The following IQCH variants were observed in gnomAD, a reference collection of about 807,000 sequenced individuals.
The protein encoded by IQCH is IQ domain-containing protein H.
IQCH carries 98 observed loss-of-function variants against 117.0 expected under a neutral mutation model. The ratio of observed to expected loss-of-function variants is 0.84; its 90% CI spans 0.71 to 0.99. IQCH has a LOEUF of 0.99. Ranked by LOEUF, IQCH falls within the 50% of genes least tolerant of loss-of-function variation. IQCH has a pLI of 0.00. For missense variants in IQCH, 1,102 were observed against 1,243.8 expected (o/e 0.89, Z 1.72); for synonymous variants, 412 against 448.2 (o/e 0.92, Z 1.02).
At chr15:67,440,221 T>C (rs995681533) in intron 16 of IQCH, among the ~76,000 whole-genome samples, 2 of 152,138 alleles carry the variant, frequency 1.3e-5, no homozygotes, top group African/African-American at 4.8e-5. Context: ...ATTGAAGTGG[T>C]AATTTAAAAG....
chr15:67,314,171 C>T (rs771145206), intron 4 of IQCH, among the ~76,000 whole-genome samples: 2 of 152,138 alleles, frequency 1.3e-5, no homozygotes, highest in Admixed American at 6.6e-5. Flanking sequence ...CCCTACTTCT[C>T]ACCCCTCTCT....
intron 13 of IQCH, among the ~76,000 whole-genome samples, chr15:67,396,546 T>C (rs1009950091): frequency 6.6e-6 from 1 of 152,236 alleles, no homozygotes; most frequent in Admixed American, 6.5e-5. Context: ...TGTTCTCCCA[T>C]TTAACTGCCA....
intron 3 of IQCH, among the ~76,000 whole-genome samples, chr15:67,276,384 A>G (rs1966124515): frequency 6.6e-6 from 1 of 152,228 alleles, no homozygotes; most frequent in African/African-American, 2.4e-5. Flanking sequence ...AAGGCAGACC[A>G]GCTGAGGGCC....
intron 4 of IQCH, among the ~76,000 whole-genome samples, chr15:67,288,501 A>G (rs933558621): frequency 2.0e-5 from 3 of 152,136 alleles, no homozygotes; most frequent in Non-Finnish European, 2.9e-5. Flanking sequence ...ATCATTATAT[A>G]GTGACATTTG....
At chr15:67,332,144 A>G (rs926560069) in intron 4 of IQCH, among the ~76,000 whole-genome samples, 3 of 152,212 alleles carry the variant, frequency 2.0e-5, no homozygotes, top group Non-Finnish European at 4.4e-5. Context: ...AATATAATGT[A>G]AGAAAATTTT....
chr15:67,482,687 C>T (rs2083370928), intron 18 of IQCH, among the ~76,000 whole-genome samples: 2 of 152,244 alleles, frequency 1.3e-5, no homozygotes, highest in South Asian at 4.1e-4. Flanking sequence ...AAGAATTTTA[C>T]ACAGAAGTAA....
Position 67,400,200 on chromosome 15 carries a change from T to C in IQCH, c.1992T>C (p.Asn664=), listed in dbSNP as rs372273062. 5 of 1,613,580 alleles carry C rather than the reference T, an allele frequency of 3.1e-6. No individual in the cohort carries two copies. In the African/African-American group the frequency reaches 4.0e-5, roughly 13 times the overall value. Reference sequence around the variant, plus strand: ...AAATGGACTCTGAGTTCCGAGGAAATGGGACTGCATTTTGTGATATTCCTT... The same window carrying C: ...AAATGGACTCTGAGTTCCGAGGAAACGGGACTGCATTTTGTGATATTCCTT... The part of the protein sequence containing the change: ...LFKMDSEFRG[N]GTAFCDIPSY... Residue 664 remains asparagine, a synonymous_variant, in exon 14 of 21, where the codon AAT becomes AAC. Transcript: ENST00000335894.
intron 4 of IQCH, among the ~76,000 whole-genome samples, chr15:67,317,464 C>A (rs904980704): frequency 6.6e-6 from 1 of 152,204 alleles, no homozygotes; most frequent in Non-Finnish European, 1.5e-5. Context: ...CTCAGCCTCC[C>A]AAAGTGCTGG....
rs1290826233 is a variant in IQCH at position 67,388,121 on chromosome 15, G to A, written c.1457-710G>A. On this transcript the variant is annotated intron_variant, in intron 11 of 20. Transcript: ENST00000335894. This position sits in a 1 kb window ranked among gnomAD's most constrained non-coding sequence, Gnocchi z 5.5. The stretch of plus-strand genomic sequence containing the variant: ...TACTCCCTGAAATATTCTGCAGCAT[G>A]GAGTGGATACTCTCATTTCACTATT... 6.6e-6 allele frequency among the ~76,000 whole-genome samples: 1 copy of A among 152,220 alleles called. No individual in the cohort carries two copies. Among genetic ancestry groups the A allele is most frequent in the African/African-American group, 2.4e-5 (1 of 41,464 alleles).
chr15:67,409,534 C>T (rs2081390088), intron 14 of IQCH, among the ~76,000 whole-genome samples: 1 of 152,126 alleles, frequency 6.6e-6, no homozygotes, highest in South Asian at 2.1e-4. Flanking sequence ...AACTGCTAGG[C>T]CTGCATGTTG....
At chr15:67,497,538 G>T (rs1407589298) in intron 20 of IQCH, among the ~76,000 whole-genome samples, 1 of 151,902 alleles carries the variant, frequency 6.6e-6, no homozygotes, top group Non-Finnish European at 1.5e-5. Flanking sequence ...CTGTCGCCCA[G>T]GTTGGAGTGC....
intron 14 of IQCH, among the ~76,000 whole-genome samples, chr15:67,409,024 A>G (rs1452031961): frequency 6.6e-6 from 1 of 152,226 alleles, no homozygotes; most frequent in Non-Finnish European, 1.5e-5. Flanking sequence ...CTACTTTTTA[A>G]TATCATTCCC....
chr15:67,261,306 T>C lies in IQCH; in HGVS notation c.86T>C (p.Leu29Ser), dbSNP rs370174234. The C allele has an allele frequency of 6.4e-7, 1 of 1,571,174 alleles. No homozygotes were observed. Among genetic ancestry groups the C allele is most frequent in the Non-Finnish European group, 8.6e-7 (1 of 1,160,810 alleles). Reference protein sequence around the residue: ...HEDLYQLKEKLTKFSPEEKGE... With the variant: ...HEDLYQLKEKSTKFSPEEKGE... The stretch of plus-strand genomic sequence containing the variant: ...GACCTTTATCAGTTAAAGGAGAAAT[T>C]AACAAAATTCTCACCTGAGGAAAAA... The change falls in exon 2 of 21, where the codon TTA becomes TCA. Residue 29 changes from leucine to serine, a missense_variant. By Grantham distance (145) the Leu-to-Ser change is moderately radical. Coordinates refer to ENST00000335894, the MANE Select transcript of IQCH (RefSeq NM_001031715.3).
rs544851863 is a variant in IQCH, at chr15:67,448,399, G to A, written c.2506-16728G>A. On this transcript the variant is annotated intron_variant, in intron 16 of 20. Transcript: ENST00000335894. ...CGCCCCCCACCCCACAATAGTCCCC[G>A]ATGTGTAATGTTCCCCTTCCTGTGT... is the stretch of plus-strand genomic sequence containing the variant. Among the ~76,000 whole-genome samples the A allele has an allele frequency of 3.5e-3, 385 of 110,982 alleles. 3 individuals are homozygous for A. The highest frequency in any genetic ancestry group is 0.014 in the African/African-American group (366 of 27,042). The allele number at this position is 110,982 out of a possible 152,430, so 72.8% of individuals were successfully genotyped here. A position where few individuals can be genotyped will look rare whatever the true frequency, so the allele number is the denominator to read the frequency against.
intron 6 of IQCH, among the ~76,000 whole-genome samples, chr15:67,351,131 G>A (rs1181875970): frequency 1.3e-5 from 2 of 152,120 alleles, no homozygotes; most frequent in East Asian, 1.9e-4. Context: ...GTGCAGGTTT[G>A]TTACATAGGT....
intron 14 of IQCH, among the ~76,000 whole-genome samples, chr15:67,409,069 C>T (rs1048153372): frequency 6.6e-6 from 1 of 151,882 alleles, no homozygotes; most frequent in African/African-American, 2.4e-5. Flanking sequence ...TTTAAACCAC[C>T]CTGGATTATT....
chr15:67,272,296 T>G (rs1965930577), intron 3 of IQCH, among the ~76,000 whole-genome samples: 1 of 152,238 alleles, frequency 6.6e-6, no homozygotes, highest in Non-Finnish European at 1.5e-5. Context: ...TTCTACTTTT[T>G]AAAATTTGTT....
In IQCH at chr15:67,334,199, C is replaced by G. The variant is rs946764932; in HGVS notation, c.388-2776C>G. Among the ~76,000 whole-genome samples, 6 of 152,026 alleles carry G rather than the reference C, an allele frequency of 3.9e-5. No individual in the cohort carries two copies. The South Asian group carries it at 1.0e-3, about 26-fold the overall frequency. Reference sequence around the variant, plus strand: ...ATGATTTATATTATATCATATTATACAAACTACAAAGTGTGGTTGCAGAAT... The same window carrying G: ...ATGATTTATATTATATCATATTATAGAAACTACAAAGTGTGGTTGCAGAAT... On this transcript the variant is annotated intron_variant, in intron 4 of 20. Coordinates refer to ENST00000335894, the MANE Select transcript of IQCH (RefSeq NM_001031715.3).
In IQCH at chr15:67,339,419, A is replaced by G. The variant is rs564700774; in HGVS notation, c.508+2324A>G. On this transcript the variant is annotated intron_variant, in intron 5 of 20. Coordinates refer to ENST00000335894, the MANE Select transcript of IQCH (RefSeq NM_001031715.3). ...ATCCAAAGAATGGACACATTTGTAG[A>G]TCAAGAATACTGAAGTAAATTTGCA... 2.4e-4 allele frequency among the ~76,000 whole-genome samples: 36 copies of G among 152,380 alleles called. No individual in the cohort carries two copies. In the South Asian group the frequency reaches 4.8e-3, roughly 20 times the overall value.
Sources: gnomAD v4.1 joint callset for allele counts (sites outside exome capture counted in the v4.1 genomes callset) on GRCh38, gnomAD v4.1.1 for gene constraint, Gnocchi (gnomAD v3.1) non-coding constraint, MANE v1.5 for transcripts, NCBI Gene and HGNC (gene_info 2026-07-23, HGNC 2026-07-21) for gene names.